Variants in WIPI2 observed in about 807,000 individuals in gnomAD.
WIPI2 encodes WD repeat domain, phosphoinositide interacting 2.
Under a neutral mutation model 52.3 loss-of-function variants are expected in WIPI2, and 28 were observed. The ratio of observed to expected loss-of-function variants is 0.54; its 90% CI spans 0.40 to 0.73. The LOEUF is 0.73. Among genes scored for constraint, WIPI2 ranks in the 30% least tolerant of loss-of-function variants. WIPI2 has a pLI of 0.00. For missense variants in WIPI2, 506 were observed against 602.9 expected, an observed-to-expected ratio of 0.84 and a Z score of 1.68; for synonymous variants, 268 against 245.0, an observed-to-expected ratio of 1.09 and a Z score of -0.88.
Position 5,199,729 on chromosome 7 carries a change from C to G in WIPI2, c.211+71C>G, listed in dbSNP as rs142766293. 6.0e-5 allele frequency: 86 copies of G among 1,425,792 alleles called. No individual in the cohort carries two copies. In the African/African-American group the frequency reaches 1.1e-3, roughly 18 times the overall value. The allele number at this position is 1,425,792 out of a possible 1,614,324, so 88.3% of individuals were successfully genotyped here. A position where few individuals can be genotyped will look rare whatever the true frequency, so the allele number is the denominator to read the frequency against. On this transcript the variant is annotated intron_variant, in intron 3 of 12. Coordinates refer to ENST00000288828, the MANE Select transcript of WIPI2 (RefSeq NM_015610.4). ...AGTTGTACTTGAATTGGAATGCGAT[C>G]TAAAATTCAGACGCTGTGGTTGAAG... is the stretch of plus-strand genomic sequence containing the variant.
intron 4 of WIPI2, among the ~76,000 whole-genome samples, chr7:5,215,473 G>GTC (rs1004805242): frequency 6.6e-6 from 1 of 152,250 alleles, no homozygotes; most frequent in African/African-American, 2.4e-5. Context: ...TCACGCACGT[G>GTC]TGTGTGTCTC....
intron 3 of WIPI2, among the ~76,000 whole-genome samples, chr7:5,212,541 G>A (rs571283274): frequency 1.3e-5 from 2 of 152,116 alleles, no homozygotes; most frequent in South Asian, 2.1e-4. Flanking sequence ...TTTGGGGCAG[G>A]ACTGGTATTA....
Position 5,232,315 on chromosome 7 carries a change from T to C in WIPI2, c.*1368T>C. 1 of 398,358 alleles carries C rather than the reference T, an allele frequency of 2.5e-6. No individual in the cohort carries two copies. Among genetic ancestry groups the C allele is most frequent in the Non-Finnish European group, 4.4e-6 (1 of 226,020 alleles). The allele number at this position is 398,358 out of a possible 1,614,324, so 24.7% of individuals were successfully genotyped here. On this transcript the variant is annotated 3_prime_UTR_variant, in exon 13 of 13. Coordinates refer to ENST00000288828, the MANE Select transcript of WIPI2 (RefSeq NM_015610.4). ...CGCTGGGCGAAGAGCTGGAGGGGAG[T>C]TGTCCCCTCAGCTGAGCGGCTGCGG... is the stretch of plus-strand genomic sequence containing the variant.
At chr7:5,198,425 T>G (rs761754148) in intron 2 of WIPI2, among the ~76,000 whole-genome samples, 1 of 152,144 alleles carries the variant, frequency 6.6e-6, no homozygotes, top group Non-Finnish European at 1.5e-5. Flanking sequence ...GCAATTCTGC[T>G]GCCTCAGCCT....
rs923444748 is a variant in WIPI2, at chr7:5,230,247, G to C, written c.1252+509G>C. Among the ~76,000 whole-genome samples the C allele has an allele frequency of 1.3e-5, 2 of 152,030 alleles. No individual in the cohort carries two copies. Among genetic ancestry groups the C allele is most frequent in the African/African-American group, 2.4e-5 (1 of 41,400 alleles). On this transcript the variant is annotated intron_variant, in intron 12 of 12. Coordinates refer to ENST00000288828, the MANE Select transcript of WIPI2 (RefSeq NM_015610.4). This position sits in a 1 kb window ranked among gnomAD's most constrained non-coding sequence, Gnocchi z 4.8. ...TTTCGTCCTTCAGCAAATCTGCATC[G>C]AGTACTGCCTTCATGCTGGGCCTGT...
At chr7:5,191,094 A>C (rs1583529913) in intron 1 of WIPI2, among the ~76,000 whole-genome samples, 1 of 151,924 alleles carries the variant, frequency 6.6e-6, no homozygotes, top group South Asian at 2.1e-4. Context: ...ATCTCAGCTC[A>C]CTGCAACCTC....
chr7:5,197,025 T>C (rs1583540222), intron 2 of WIPI2, among the ~76,000 whole-genome samples: 1 of 135,476 alleles, frequency 7.4e-6, no homozygotes, highest in Non-Finnish European at 1.5e-5. Context: ...GGCAGGAGAA[T>C]TGACTGAACC....
intron 3 of WIPI2, chr7:5,214,103 C>T (rs1341914837): frequency 3.3e-6 from 1 of 306,870 alleles, no homozygotes; most frequent in Non-Finnish European, 5.9e-6. Context: ...TGGCCAGCCT[C>T]AGTATGCGAG....
rs566867960 is a variant in WIPI2, at chr7:5,232,314, G to A, written c.*1367G>A. 2.3e-5 allele frequency: 9 copies of A among 398,646 alleles called. No individual in the cohort carries two copies. Among genetic ancestry groups the A allele is most frequent in the Admixed American group, 8.8e-5 (2 of 22,728 alleles). The allele number at this position is 398,646 out of a possible 1,614,324, so 24.7% of individuals were successfully genotyped here. A position where few individuals can be genotyped will look rare whatever the true frequency, so the allele number is the denominator to read the frequency against. ...ACGCTGGGCGAAGAGCTGGAGGGGA[G>A]TTGTCCCCTCAGCTGAGCGGCTGCG... On this transcript the variant is annotated 3_prime_UTR_variant, in exon 13 of 13. Coordinates refer to ENST00000288828, the MANE Select transcript of WIPI2 (RefSeq NM_015610.4).
intron 5 of WIPI2, 178 bp from the exon 6 acceptor site, chr7:5,216,912 G>T (rs745857449): frequency 8.3e-5 from 60 of 720,440 alleles, no homozygotes; most frequent in Non-Finnish European, 1.1e-4. Flanking sequence ...GACAATACTG[G>T]TATCACCTAA....
chr7:5,209,890 C>T (rs1001010039), intron 3 of WIPI2, among the ~76,000 whole-genome samples: 10 of 152,044 alleles, frequency 6.6e-5, no homozygotes, highest in Admixed American at 2.6e-4. Context: ...TTCTCCAGAA[C>T]ATAACTTCTT....
chr7:5,218,253 C>T, intron 7 of WIPI2: 2 of 457,834 alleles, frequency 4.4e-6, no homozygotes, highest in Non-Finnish European at 8.0e-6. Context: ...CAGAAATGTC[C>T]AGAGGAGACA....
At chr7:5,203,776 C>T (rs1782153227) in intron 3 of WIPI2, among the ~76,000 whole-genome samples, 1 of 147,202 alleles carries the variant, frequency 6.8e-6, no homozygotes, top group South Asian at 2.2e-4. Context: ...CCACCATGCC[C>T]GGCTGATTTT....
intron 4 of WIPI2, 26 bp downstream of exon 4, chr7:5,214,730 G>T (rs1419383019): frequency 1.9e-6 from 3 of 1,611,562 alleles, no homozygotes; most frequent in East Asian, 2.2e-5. Flanking sequence ...GCTGGGTGTG[G>T]GCTTGTCTGT....
intron 1 of WIPI2, among the ~76,000 whole-genome samples, chr7:5,192,290 A>C (rs1305552734): frequency 1.3e-5 from 2 of 152,232 alleles, no homozygotes; most frequent in Non-Finnish European, 2.9e-5. Flanking sequence ...GCCCAAGGCC[A>C]CAGTATTTTG....
In WIPI2 at chr7:5,214,694, T is replaced by C. The variant is rs914076281; in HGVS notation, c.371T>C (p.Leu124Pro). 2 of 1,613,962 alleles carry C rather than the reference T, an allele frequency of 1.2e-6. No individual in the cohort carries two copies. Among genetic ancestry groups the C allele is most frequent in the Non-Finnish European group, 1.7e-6 (2 of 1,180,036 alleles). ...SYSNTILAVK[L>P]NRQRLIVCLE... ...TCCAACACGATTCTGGCTGTGAAGCTCAACAGGCAGGTGAGCGCTGCCCCA... is the reference window on the plus strand; with the variant it reads ...TCCAACACGATTCTGGCTGTGAAGCCCAACAGGCAGGTGAGCGCTGCCCCA... Residue 124 changes from leucine (L) to proline (P), a missense_variant, in exon 4 of 13, where the codon CTC becomes CCC. Physicochemically the swap from Leu to Pro is moderately conservative, Grantham distance 98. Transcript: ENST00000288828.
In WIPI2 at chr7:5,230,292, G is replaced by A. The variant is rs114023871; in HGVS notation, c.1253-543G>A. Among the ~76,000 whole-genome samples the A allele has an allele frequency of 8.5e-3, 1,294 of 152,284 alleles. 13 individuals are homozygous for A. Among genetic ancestry groups the A allele is most frequent in the African/African-American group, 0.03 (1,229 of 41,542 alleles). On this transcript the variant is annotated intron_variant, in intron 12 of 12. Coordinates refer to ENST00000288828, the MANE Select transcript of WIPI2 (RefSeq NM_015610.4). The surrounding 1 kb of genome is among the most constrained non-coding windows in gnomAD (Gnocchi z 4.8). ...GCCTGTGAAGTGCAGAAGCTGTAGG[G>A]GAATGAGGCCAATGGGCTCCCCTCC...
At chr7:5,200,518 G>A (rs1781968978) in intron 3 of WIPI2, among the ~76,000 whole-genome samples, 1 of 151,826 alleles carries the variant, frequency 6.6e-6, no homozygotes, top group Non-Finnish European at 1.5e-5. Flanking sequence ...TCCTCCTTGT[G>A]CTCGTTTGTG....
intron 2 of WIPI2, among the ~76,000 whole-genome samples, chr7:5,195,792 G>A (rs1206761322): frequency 6.6e-6 from 1 of 152,116 alleles, no homozygotes. Flanking sequence ...TGTAATCCCA[G>A]CACTTTGGGA....
Sources: allele counts gnomAD v4.1 joint callset (sites outside exome capture counted in the v4.1 genomes callset), GRCh38; gene constraint gnomAD v4.1.1; non-coding constraint Gnocchi (gnomAD v3.1); transcripts MANE v1.5; gene names NCBI Gene and HGNC (gene_info 2026-07-23, HGNC 2026-07-21).